The following COPZ1 variants were observed in gnomAD, a reference collection of about 807,000 sequenced individuals.
COPZ1 encodes the protein coatomer subunit zeta-1.
Under a neutral mutation model 31.7 loss-of-function variants are expected in COPZ1, and 4 were observed. The ratio of observed to expected loss-of-function variants is 0.13; its 90% CI spans 0.06 to 0.29. The LOEUF (loss-of-function observed/expected upper bound fraction) is 0.29. Ranked by LOEUF, COPZ1 falls within the 10% of genes least tolerant of loss-of-function variation. The pLI, the probability that COPZ1 is intolerant of heterozygous loss-of-function variation, is 1.00. For synonymous variants in COPZ1, 74 were observed against 79.0 expected, an observed-to-expected ratio of 0.94 and a Z score of 0.33; for missense variants, 156 against 211.5, an observed-to-expected ratio of 0.74 and a Z score of 1.63.
intron 1 of COPZ1, among the ~76,000 whole-genome samples, chr12:54,336,169 C>G (rs1448938745): frequency 6.6e-6 from 1 of 152,186 alleles, no homozygotes; most frequent in East Asian, 1.9e-4. Flanking sequence ...AAAGAGTTCT[C>G]TTACTATATA....
At chr12:54,344,193 G>A (rs1954021145) in intron 4 of COPZ1, among the ~76,000 whole-genome samples, 1 of 152,214 alleles carries the variant, frequency 6.6e-6, no homozygotes, top group Non-Finnish European at 1.5e-5. Flanking sequence ...GCTCACACCT[G>A]TAATCCCAGC....
intron 1 of COPZ1, among the ~76,000 whole-genome samples, chr12:54,326,506 G>A (rs997587221): frequency 6.7e-6 from 1 of 148,198 alleles, no homozygotes; most frequent in African/African-American, 2.5e-5. Context: ...AATTGTGGTC[G>A]CTAAAGGGCT....
rs1292445967 is a variant in COPZ1 at position 54,325,898 on chromosome 12, A to C, written c.18+717A>C. 1.1e-4 allele frequency among the ~76,000 whole-genome samples: 16 copies of C among 144,306 alleles called. No individual in the cohort carries two copies. The East Asian group carries it at 3.3e-3, about 30-fold the overall frequency. 94.7% of individuals were successfully genotyped at this position (144,306 alleles called of 152,430 possible). A position where few individuals can be genotyped will look rare whatever the true frequency, so the allele number is the denominator to read the frequency against. ...ACGTGGCGCGATCTTGGCTCACTGC[A>C]ATCTCCACCTCCCGGGTTCAAGCTA... On this transcript the variant is annotated intron_variant, in intron 1 of 8. Coordinates refer to ENST00000262061, the MANE Select transcript of COPZ1 (RefSeq NM_016057.3).
chr12:54,350,671 T>A lies in COPZ1; in HGVS notation c.*148T>A. On this transcript the variant is annotated 3_prime_UTR_variant, in exon 9 of 9. Transcript: ENST00000262061. ...CTCCATTCTGTTTGTGGTTGCCCCC[T>A]CAACCTCCCCTACACCCTTCCTATT... 5.7e-6 allele frequency: 4 copies of A among 700,028 alleles called. No homozygotes were observed. The highest frequency in any genetic ancestry group is 1.0e-5 in the Non-Finnish European group (4 of 383,688). 43.4% of individuals were successfully genotyped at this position (700,028 alleles called of 1,614,324 possible).
chr12:54,344,225 C>T (rs906450873), intron 4 of COPZ1, among the ~76,000 whole-genome samples: 4 of 152,148 alleles, frequency 2.6e-5, no homozygotes, highest in Non-Finnish European at 4.4e-5. Flanking sequence ...CCAAGGTGGG[C>T]GGATCACTTG....
intron 1 of COPZ1, among the ~76,000 whole-genome samples, chr12:54,330,629 C>G (rs1430053411): frequency 5.9e-5 from 9 of 152,112 alleles, no homozygotes; most frequent in Non-Finnish European, 1.3e-4. Flanking sequence ...CCTTGGGAGG[C>G]AGAGGATGAG....
intron 1 of COPZ1, among the ~76,000 whole-genome samples, chr12:54,335,285 C>G (rs1208514646): frequency 1.3e-5 from 2 of 151,820 alleles, no homozygotes; most frequent in Non-Finnish European, 2.9e-5. Context: ...TAGTTTTTAC[C>G]TTCTTAGTTT....
Position 54,340,449 on chromosome 12 carries a change from G to A in COPZ1, c.19-98G>A, listed in dbSNP as rs993275671. The A allele has an allele frequency of 1.1e-5, 17 of 1,566,994 alleles. No homozygotes were observed. The African/African-American group carries it at 2.3e-4, about 21-fold the overall frequency. On this transcript the variant is annotated intron_variant, in intron 1 of 8. Coordinates refer to ENST00000262061, the MANE Select transcript of COPZ1 (RefSeq NM_016057.3). Reference sequence around the variant, plus strand: ...GTAAGGGACTTACAGAGGTACCTCTGTATCCCCTTGCAGCCCCAGTGGGAC... The same window carrying A: ...GTAAGGGACTTACAGAGGTACCTCTATATCCCCTTGCAGCCCCAGTGGGAC...
At chr12:54,340,959 A>AAAGTGTTGGGATTG (rs1468527164) in intron 2 of COPZ1, among the ~76,000 whole-genome samples, 14 of 152,104 alleles carry the variant, frequency 9.2e-5, no homozygotes, top group African/African-American at 1.9e-4. Context: ...TTGGCCTCCC[A>AAAGTGTTGGGATTG]AAGTGTTGGG....
chr12:54,343,573 GT>G (rs1954009883), intron 4 of COPZ1, among the ~76,000 whole-genome samples: 1 of 152,158 alleles, frequency 6.6e-6, no homozygotes, highest in Admixed American at 6.6e-5. Flanking sequence ...CCTGAGTAGT[GT>G]TTTTTAAGAT....
At chr12:54,328,026 A>C (rs1432583603) in intron 1 of COPZ1, among the ~76,000 whole-genome samples, 1 of 152,086 alleles carries the variant, frequency 6.6e-6, no homozygotes, top group Admixed American at 6.6e-5. Context: ...TAATCCTAGC[A>C]CTTTGGGAGG....
chr12:54,346,813 G>A, intron 5 of COPZ1: 2 of 566,254 alleles, frequency 3.5e-6, no homozygotes, highest in Non-Finnish European at 6.4e-6. Flanking sequence ...CTGTGATCAT[G>A]CTACTGCACT....
At position 54,350,558 on chromosome 12, in the gene COPZ1, A is replaced by C. The variant is rs112909817; in HGVS notation, c.*35A>C. The stretch of plus-strand genomic sequence containing the variant: ...TGTTCCTGGCTCTTCATCCTCTTCA[A>C]AAAATTTGCATGTCTGCTGTGAATT... On this transcript the variant is annotated 3_prime_UTR_variant, in exon 9 of 9. Coordinates refer to ENST00000262061, the MANE Select transcript of COPZ1 (RefSeq NM_016057.3). 2 of 1,570,398 alleles carry C rather than the reference A, an allele frequency of 1.3e-6. No individual in the cohort carries two copies.
intron 5 of COPZ1, among the ~76,000 whole-genome samples, chr12:54,347,507 T>G (rs75764844): frequency 0.012 from 1,819 of 152,284 alleles, 40 homozygotes; most frequent in African/African-American, 0.042. Context: ...AGGAAAGAAA[T>G]AATAGCGTGG....
chr12:54,340,691 T>G, intron 2 of COPZ1, 76 bp downstream of exon 2: 2 of 1,403,474 alleles, frequency 1.4e-6, no homozygotes, highest in Non-Finnish European at 9.8e-7. Flanking sequence ...GACTGATACC[T>G]TATTAACTTA....
chr12:54,350,589 C>A lies in COPZ1; in HGVS notation c.*66C>A. On this transcript the variant is annotated 3_prime_UTR_variant, in exon 9 of 9. Coordinates refer to ENST00000262061, the MANE Select transcript of COPZ1 (RefSeq NM_016057.3). The stretch of plus-strand genomic sequence containing the variant: ...TTGCATGTCTGCTGTGAATTTTCAT[C>A]TAGTTCCCCAATCGATGCTCTCAGG... The A allele has an allele frequency of 8.0e-7, 1 of 1,254,622 alleles. No individual in the cohort carries two copies. The allele number at this position is 1,254,622 out of a possible 1,614,324, so 77.7% of individuals were successfully genotyped here.
chr12:54,349,824 C>A, intron 8 of COPZ1, 166 bp downstream of exon 8: 1 of 716,488 alleles, frequency 1.4e-6, no homozygotes, highest in South Asian at 1.5e-5. Flanking sequence ...CAGCCACTCC[C>A]TACCCCTACT....
At chr12:54,340,994 C>T (rs775200354) in intron 2 of COPZ1, among the ~76,000 whole-genome samples, 19 of 152,146 alleles carry the variant, frequency 1.2e-4, no homozygotes, top group Non-Finnish European at 2.6e-4. Flanking sequence ...CCACCACACC[C>T]GGCCTGAATT....
chr12:54,342,270 A>G lies in COPZ1; in HGVS notation c.152A>G (p.Lys51Arg), dbSNP rs752873339. ...GCCTTTGAGAAGAACATTTTCAACA[A>G]GACCCATCGGACTGACAGTAGGTCA... ...QKAFEKNIFNKTHRTDSEIAL... is the reference protein window; with the variant it reads ...QKAFEKNIFNRTHRTDSEIAL... Residue 51 changes from lysine (K) to arginine (R), a missense_variant, in exon 3 of 9, where the codon AAG (lysine) becomes AGG (arginine). Physicochemically the swap from Lys to Arg is conservative, Grantham distance 26 (BLOSUM62 2). Coordinates refer to ENST00000262061, the MANE Select transcript of COPZ1 (RefSeq NM_016057.3). 6.2e-7 allele frequency: 1 copy of G among 1,613,932 alleles called. No individual in the cohort carries two copies. Among genetic ancestry groups the G allele is most frequent in the Non-Finnish European group, 8.5e-7 (1 of 1,179,808 alleles).
Sources: gnomAD v4.1 joint callset for allele counts (sites outside exome capture counted in the v4.1 genomes callset) on GRCh38, gnomAD v4.1.1 for gene constraint, MANE v1.5 for transcripts, NCBI Gene and HGNC (gene_info 2026-07-23, HGNC 2026-07-21) for gene names.